The following CCDC152 variants were observed in gnomAD, a reference collection of about 807,000 sequenced individuals.
CCDC152 encodes the protein coiled-coil domain containing 152, also known as coiled-coil domain-containing protein 152.
Under a neutral mutation model 38.1 loss-of-function variants are expected in CCDC152, and 37 were observed. The observed-to-expected ratio is 0.97, with a 90% confidence interval of 0.75 to 1.28. The LOEUF is 1.28. Among genes scored for constraint, CCDC152 ranks in the 50% most tolerant of loss-of-function variants. CCDC152 has a pLI of 0.00. For missense variants in CCDC152, 259 were observed against 292.1 expected (o/e 0.89, Z 0.83); for synonymous variants, 83 against 87.1 (o/e 0.95, Z 0.26).
intron 2 of CCDC152, among the ~76,000 whole-genome samples, chr5:42,760,031 A>T (rs1016766074): frequency 6.6e-6 from 1 of 151,942 alleles, no homozygotes; most frequent in African/African-American, 2.4e-5. Context: ...CAGGCAGGGC[A>T]CGGTGGCTCA....
chr5:42,767,639 G>A (rs1374014942), intron 3 of CCDC152, among the ~76,000 whole-genome samples: 1 of 152,168 alleles, frequency 6.6e-6, no homozygotes, highest in Non-Finnish European at 1.5e-5. Flanking sequence ...ATTAGTGAAT[G>A]GTATTCTCGT....
chr5:42,799,968 T>C lies in CCDC152; in HGVS notation c.*187T>C. 6.3e-6 allele frequency: 4 copies of C among 631,248 alleles called. No individual in the cohort carries two copies. The highest frequency in any genetic ancestry group is 1.0e-5 in the Non-Finnish European group (4 of 382,964). The allele number at this position is 631,248 out of a possible 1,614,324, so 39.1% of individuals were successfully genotyped here. ...CATTCTTGCTTAATAGTATTAACCA[T>C]AAAGGAGGTCAGGTTTATAGGGTTT... On this transcript the variant is annotated 3_prime_UTR_variant, in exon 9 of 9. Transcript: ENST00000361970.
rs1368849788 is a variant in CCDC152, at chr5:42,800,855, C to T, written c.*1074C>T. ...GTCACTGACAAGATTCAGTTATGTT[C>T]TCCTCTGCCCGAAGTCCCTGTCAGC... On this transcript the variant is annotated 3_prime_UTR_variant, in exon 9 of 9. Transcript: ENST00000361970. The T allele has an allele frequency of 9.9e-6, 16 of 1,614,072 alleles. No individual in the cohort carries two copies. The highest frequency in any genetic ancestry group is 1.3e-5 in the African/African-American group (1 of 74,910).
In CCDC152 at chr5:42,759,156, T is replaced by C. The variant is rs1759517447; in HGVS notation, c.35T>C (p.Ile12Thr). Reference protein sequence around the residue: ...DQSSEGCMKKISSVNLDKLIN... With the variant: ...DQSSEGCMKKTSSVNLDKLIN... The stretch of plus-strand genomic sequence containing the variant: ...AGCAGTGAAGGATGTATGAAAAAGA[T>C]TAGCAGTGTGAATCTTGACAAACTT... The change falls in exon 2 of 9, where the codon ATT becomes ACT. Residue 12 changes from isoleucine to threonine, a missense_variant. By Grantham distance (89) the Ile-to-Thr change is moderately conservative (BLOSUM62 -1). Coordinates refer to ENST00000361970, the MANE Select transcript of CCDC152 (RefSeq NM_001134848.2). 6.4e-7 allele frequency: 1 copy of C among 1,551,134 alleles called. No individual in the cohort carries two copies.
chr5:42,797,718 A>G (rs1419528837), intron 7 of CCDC152, among the ~76,000 whole-genome samples: 1 of 152,212 alleles, frequency 6.6e-6, no homozygotes, highest in African/African-American at 2.4e-5. Context: ...TTCTCATTAA[A>G]AAAACAAATT....
At chr5:42,757,815 A>G (rs1371229168) in intron 1 of CCDC152, among the ~76,000 whole-genome samples, 2 of 152,178 alleles carry the variant, frequency 1.3e-5, no homozygotes, top group Non-Finnish European at 2.9e-5. Context: ...AAATGCATTT[A>G]TTTCAAGAGC....
At chr5:42,786,264 G>A (rs1387532788) in intron 6 of CCDC152, among the ~76,000 whole-genome samples, 1 of 151,776 alleles carries the variant, frequency 6.6e-6, no homozygotes, top group African/African-American at 2.4e-5. Context: ...TGTTGTTGTT[G>A]TTGTTGTTGG....
chr5:42,790,662 G>T (rs1302648044), intron 6 of CCDC152, among the ~76,000 whole-genome samples: 1 of 152,166 alleles, frequency 6.6e-6, no homozygotes, highest in African/African-American at 2.4e-5. Flanking sequence ...CTGTGAAGAA[G>T]AGAAGAAAAG....
chr5:42,788,632 C>T (rs1759957296), intron 6 of CCDC152, among the ~76,000 whole-genome samples: 1 of 151,458 alleles, frequency 6.6e-6, no homozygotes, highest in South Asian at 2.1e-4. Context: ...TGTTTGACTT[C>T]TTCTTACTGA....
rs748389358 is a variant in CCDC152 at position 42,783,522 on chromosome 5, G to A, written c.376G>A (p.Glu126Lys). The A allele has an allele frequency of 7.2e-7, 1 of 1,390,912 alleles. No individual in the cohort carries two copies. Among genetic ancestry groups the A allele is most frequent in the Non-Finnish European group, 9.4e-7 (1 of 1,060,298 alleles). 86.2% of individuals were successfully genotyped at this position (1,390,912 alleles called of 1,614,324 possible). Residue 126 changes from glutamate to lysine, a missense_variant, in exon 6 of 9, where the codon GAG (glutamate) becomes AAG (lysine). By Grantham distance (56) the Glu-to-Lys change is moderately conservative. Coordinates refer to ENST00000361970, the MANE Select transcript of CCDC152 (RefSeq NM_001134848.2). The part of the protein sequence containing the change: ...AKLVSEMKIK[E>K]EGYKKEISKL... ...ACTTGTAAGTGAAATGAAAATCAAAGAGGAGGGATATAAGAAAGAAATAAG... is the reference window on the plus strand; with the variant it reads ...ACTTGTAAGTGAAATGAAAATCAAAAAGGAGGGATATAAGAAAGAAATAAG...
chr5:42,770,217 A>G (rs1460292352), intron 4 of CCDC152, among the ~76,000 whole-genome samples: 1 of 152,200 alleles, frequency 6.6e-6, no homozygotes, highest in African/African-American at 2.4e-5. Context: ...TTCTTCTACT[A>G]TATCAGAGAT....
chr5:42,762,015 T>G (rs1447209786), intron 2 of CCDC152, among the ~76,000 whole-genome samples: 2 of 152,224 alleles, frequency 1.3e-5, no homozygotes, highest in African/African-American at 4.8e-5. Flanking sequence ...GTGAATGTTA[T>G]AGAGTATATT....
intron 3 of CCDC152, among the ~76,000 whole-genome samples, chr5:42,764,470 A>G (rs1037098912): frequency 6.6e-6 from 1 of 152,090 alleles, no homozygotes; most frequent in Non-Finnish European, 1.5e-5. Flanking sequence ...ACAAAGACAC[A>G]TAAAAAAAAA....
intron 6 of CCDC152, among the ~76,000 whole-genome samples, chr5:42,793,908 T>G (rs1019054875): frequency 6.6e-6 from 1 of 152,054 alleles, no homozygotes; most frequent in Non-Finnish European, 1.5e-5. Context: ...CAAGCTCAGC[T>G]GGACTTGGGG....
At chr5:42,784,953 A>G (rs1759899376) in intron 6 of CCDC152, among the ~76,000 whole-genome samples, 1 of 151,970 alleles carries the variant, frequency 6.6e-6, no homozygotes, top group Non-Finnish European at 1.5e-5. Context: ...ATTCTGTTTT[A>G]CAGATCTATG....
intron 3 of CCDC152, among the ~76,000 whole-genome samples, chr5:42,762,789 T>C (rs1373693411): frequency 6.6e-6 from 1 of 152,184 alleles, no homozygotes; most frequent in Non-Finnish European, 1.5e-5. Context: ...CTGAGACTGC[T>C]CAACTTTCTG....
chr5:42,781,724 A>G (rs1360175494), intron 5 of CCDC152, among the ~76,000 whole-genome samples: 2 of 152,192 alleles, frequency 1.3e-5, no homozygotes, highest in Non-Finnish European at 2.9e-5. Context: ...ATATATATCA[A>G]GATATATGTG....
At chr5:42,778,485 C>T (rs973314610) in intron 4 of CCDC152, among the ~76,000 whole-genome samples, 1 of 152,122 alleles carries the variant, frequency 6.6e-6, no homozygotes, top group Non-Finnish European at 1.5e-5. Context: ...CAGTTTTAAA[C>T]CGACCTGGAT....
intron 1 of CCDC152, among the ~76,000 whole-genome samples, chr5:42,758,916 G>GT (rs1759514204): frequency 6.6e-6 from 1 of 152,154 alleles, no homozygotes; most frequent in African/African-American, 2.4e-5. Flanking sequence ...GTCAACTGGG[G>GT]TGTGGGTGGT....
Sources: allele counts gnomAD v4.1 joint callset (sites outside exome capture counted in the v4.1 genomes callset), GRCh38; gene constraint gnomAD v4.1.1; transcripts MANE v1.5; gene names NCBI Gene and HGNC (gene_info 2026-07-23, HGNC 2026-07-21).